The following ASAH2 variants were observed in gnomAD, a reference collection of about 807,000 sequenced individuals.
ASAH2 encodes the protein N-acylsphingosine amidohydrolase 2, also known as neutral ceramidase.
ASAH2 carries 58 observed loss-of-function variants against 82.9 expected under a neutral mutation model. That is an observed-to-expected ratio of 0.70 (90% CI 0.57 to 0.87). ASAH2 has a LOEUF of 0.87. Among genes scored for constraint, ASAH2 ranks in the 40% least tolerant of loss-of-function variants. The probability of loss-of-function intolerance (pLI) is 0.00; values close to 1 mark genes in which losing one functional copy is unlikely to be tolerated. For synonymous variants in ASAH2, 276 were observed against 289.7 expected (o/e 0.95, Z 0.48); for missense variants, 779 against 834.0 (o/e 0.93, Z 0.81).
Position 50,236,009 on chromosome 10 carries a change from A to G in ASAH2, c.566T>C (p.Ile189Thr), listed in dbSNP as rs1846150975. 1 of 1,613,134 alleles carries G rather than the reference A, an allele frequency of 6.2e-7. No individual in the cohort carries two copies. Among genetic ancestry groups the G allele is most frequent in the Non-Finnish European group, 8.5e-7 (1 of 1,179,354 alleles). The change falls in exon 5 of 21, where the codon ATC (isoleucine) becomes ACC (threonine). Residue 189 changes from isoleucine to threonine, a missense_variant. By Grantham distance (89) the Ile-to-Thr change is moderately conservative. Coordinates refer to ENST00000682911, the MANE Select transcript of ASAH2 (RefSeq NM_019893.4). ...TGAATGAGTGTGAGTGCCACTCAGG[A>G]TGACATTATCTCTTCTGTACAGGGA... Reference protein sequence around the residue: ...YGSLYRRDNVILSGTHTHSGP... With the variant: ...YGSLYRRDNVTLSGTHTHSGP...
At chr10:50,242,318 G>C (rs927915884) in intron 4 of ASAH2, among the ~76,000 whole-genome samples, 1 of 152,168 alleles carries the variant, frequency 6.6e-6, no homozygotes, top group Non-Finnish European at 1.5e-5. Context: ...ATGTTAAAGT[G>C]ATGCTTTTAG....
intron 7 of ASAH2, among the ~76,000 whole-genome samples, 171 bp downstream of exon 7, chr10:50,233,013 C>A (rs1282531937): frequency 6.6e-6 from 1 of 152,054 alleles, no homozygotes; most frequent in East Asian, 1.9e-4. Context: ...AGACTGAGAA[C>A]CCTGTACAAG....
Position 50,203,560 on chromosome 10 carries a change from T to C in ASAH2, c.1665+80A>G. Reference sequence around the variant, plus strand: ...ATTTCAAGAAATGTGGAACTCTAGATATAGGATCATAGGGATAGGATATAC... The same window carrying C: ...ATTTCAAGAAATGTGGAACTCTAGACATAGGATCATAGGGATAGGATATAC... On this transcript the variant is annotated intron_variant, in intron 15 of 20. Transcript: ENST00000682911. The C allele has an allele frequency of 6.9e-6, 4 of 582,812 alleles. No individual in the cohort carries two copies. The Admixed American group carries it at 8.1e-5, about 12-fold the overall frequency. 36.1% of individuals were successfully genotyped at this position (582,812 alleles called of 1,614,324 possible). A position where few individuals can be genotyped will look rare whatever the true frequency, so the allele number is the denominator to read the frequency against.
intron 4 of ASAH2, among the ~76,000 whole-genome samples, chr10:50,238,455 T>C (rs1353760918): frequency 2.0e-5 from 3 of 152,166 alleles, no homozygotes; most frequent in African/African-American, 7.2e-5. Context: ...ATAACAAGAC[T>C]AACATCCTTC....
chr10:50,229,497 T>C (rs1195340370), intron 7 of ASAH2, among the ~76,000 whole-genome samples: 2 of 152,158 alleles, frequency 1.3e-5, no homozygotes, highest in Non-Finnish European at 1.5e-5. Context: ...AACATAATTT[T>C]ATTTCATTCC....
chr10:50,226,644 G>A (rs1016751094), intron 7 of ASAH2, among the ~76,000 whole-genome samples: 36 of 152,006 alleles, frequency 2.4e-4, no homozygotes, highest in African/African-American at 7.5e-4. Flanking sequence ...TTGGAAGAAG[G>A]TGCATATAGG....
rs772181094 is a variant in ASAH2, at chr10:50,245,433, GA to G, written c.148del (p.Ser50GlnfsTer40). 1.2e-5 allele frequency: 20 copies of G among 1,610,560 alleles called. No homozygotes were observed. The highest frequency in any genetic ancestry group is 1.6e-5 in the Non-Finnish European group (19 of 1,178,968). ...NHKDLGGHFF[S>X]TTQSPPATQG... ...GGTGGCTGGAGGGCTTTGGGTGGTTGAAAAAAAATGGCCTCCTAAATCTAAA... is the reference window on the plus strand; with the variant it reads ...GGTGGCTGGAGGGCTTTGGGTGGTTGAAAAAAATGGCCTCCTAAATCTAAA... On this transcript the variant is annotated frameshift_variant, in exon 3 of 21. Coordinates refer to ENST00000682911, the MANE Select transcript of ASAH2 (RefSeq NM_019893.4). LOFTEE classifies it high-confidence loss of function.
rs1367155948 is a variant in ASAH2 at position 50,187,116 on chromosome 10, TCTCACACA to T, written c.*191_*198del. On this transcript the variant is annotated 3_prime_UTR_variant, in exon 21 of 21. Transcript: ENST00000682911. ...CTCTCTCTCTCTCTCTCTCTCTCTC[TCTCACACA>T]CACACACACACACACACACACACAC... The T allele has an allele frequency of 1.2e-3, 283 of 229,568 alleles. No individual in the cohort carries two copies. Among genetic ancestry groups the T allele is most frequent in the Middle Eastern group, 4.5e-3 (3 of 670 alleles). 14.2% of individuals were successfully genotyped at this position (229,568 alleles called of 1,614,324 possible).
At chr10:50,245,798 G>C (rs1235666371) in intron 2 of ASAH2, among the ~76,000 whole-genome samples, 1 of 151,998 alleles carries the variant, frequency 6.6e-6, no homozygotes, top group Non-Finnish European at 1.5e-5. Context: ...AATATCTGGG[G>C]ATTGGTTTCT....
At chr10:50,209,469 C>T (rs1845394971) in intron 12 of ASAH2, among the ~76,000 whole-genome samples, 1 of 152,154 alleles carries the variant, frequency 6.6e-6, no homozygotes, top group Admixed American at 6.5e-5. Context: ...CCTGCCTCAG[C>T]CTCCCGAGTA....
At chr10:50,192,587 A>G in intron 19 of ASAH2, 66 bp downstream of exon 19, 1 of 4,006 alleles carries the variant, frequency 2.5e-4, no homozygotes, top group Non-Finnish European at 5.8e-4. Flanking sequence ...CTCTAGAGGG[A>G]TATTTAAATG....
In ASAH2 at chr10:50,236,076, A is replaced by G; in HGVS notation, c.511-12T>C. The G allele has an allele frequency of 6.2e-7, 1 of 1,611,482 alleles. No homozygotes were observed. Among genetic ancestry groups the G allele is most frequent in the Non-Finnish European group, 8.5e-7 (1 of 1,177,774 alleles). ...AGTCTGTTCAGGACCTTCAAGAAAA[A>G]AAGTAATTGAACTAAGAAGAGGGAT... On this transcript the variant is annotated splice_polypyrimidine_tract_variant and intron_variant, in intron 4 of 20. Coordinates refer to ENST00000682911, the MANE Select transcript of ASAH2 (RefSeq NM_019893.4).
chr10:50,207,202 G>A (rs941136809), intron 12 of ASAH2, among the ~76,000 whole-genome samples: 1 of 151,806 alleles, frequency 6.6e-6, no homozygotes. Flanking sequence ...ATTTATAGTT[G>A]TAAATGCCCA....
At chr10:50,246,819 G>A (rs1328867969) in intron 2 of ASAH2, among the ~76,000 whole-genome samples, 2 of 152,222 alleles carry the variant, frequency 1.3e-5, no homozygotes, top group South Asian at 2.1e-4. Context: ...AGGCACCTTC[G>A]CTATTGCTTC....
chr10:50,229,184 C>T (rs1845967353), intron 7 of ASAH2, among the ~76,000 whole-genome samples: 1 of 152,102 alleles, frequency 6.6e-6, no homozygotes, highest in Admixed American at 6.6e-5. Flanking sequence ...TCTCAAGGTT[C>T]TGTTTATTTT....
At position 50,198,964 on chromosome 10, in the gene ASAH2, T is replaced by A. The variant is rs1845064734; in HGVS notation, c.1857+87A>T. ...CTCTTTCACTTCCCTCTGCATTTTC[T>A]TACCCAGACACAGACACATACAGAC... On this transcript the variant is annotated intron_variant, in intron 17 of 20. Coordinates refer to ENST00000682911, the MANE Select transcript of ASAH2 (RefSeq NM_019893.4). 5 of 1,456,274 alleles carry A rather than the reference T, an allele frequency of 3.4e-6. No homozygotes were observed. The African/African-American group carries it at 7.0e-5, about 21-fold the overall frequency. The allele number at this position is 1,456,274 out of a possible 1,614,324, so 90.2% of individuals were successfully genotyped here. A position where few individuals can be genotyped will look rare whatever the true frequency, so the allele number is the denominator to read the frequency against.
Position 50,236,215 on chromosome 10 carries a change from A to C in ASAH2, c.511-151T>G, listed in dbSNP as rs1042440706. ...GCTAATAAAGACATACCTAAGACTG[A>C]GTAATTTATAATGGAAAGAGGTTTA... On this transcript the variant is annotated intron_variant, in intron 4 of 20. Coordinates refer to ENST00000682911, the MANE Select transcript of ASAH2 (RefSeq NM_019893.4). The C allele has an allele frequency of 1.6e-5, 12 of 733,700 alleles. No homozygotes were observed. In the African/African-American group the frequency reaches 2.1e-4, roughly 13 times the overall value. The allele number at this position is 733,700 out of a possible 1,614,324, so 45.4% of individuals were successfully genotyped here.
Position 50,234,456 on chromosome 10 carries a change from A to G in ASAH2, c.784T>C (p.Tyr262His), listed in dbSNP as rs1334847155. The stretch of plus-strand genomic sequence containing the variant: ...CTCTCTGACTGCGGATTTTGAAGGT[A>G]AGAATACGGACTTCTGTTGATCTGC... ...GVQINRSPYSYLQNPQSERAR... is the reference protein window; with the variant it reads ...GVQINRSPYSHLQNPQSERAR... Residue 262 changes from tyrosine to histidine, a missense_variant, in exon 6 of 21, where the codon TAC (tyrosine) becomes CAC (histidine). Around this residue, in one of 3 missense-constraint regions of ASAH2, gnomAD observed 759 missense variants for 755.2 expected, o/e 1.00. Coordinates refer to ENST00000682911, the MANE Select transcript of ASAH2 (RefSeq NM_019893.4). The G allele has an allele frequency of 5.6e-6, 9 of 1,612,978 alleles. No homozygotes were observed. The highest frequency in any genetic ancestry group is 7.6e-6 in the Non-Finnish European group (9 of 1,179,300).
At chr10:50,229,165 A>G (rs1589347043) in intron 7 of ASAH2, among the ~76,000 whole-genome samples, 1 of 152,110 alleles carries the variant, frequency 6.6e-6, no homozygotes, top group Admixed American at 6.6e-5. Flanking sequence ...GTCTTATTGC[A>G]TCCGAGACTC....
Sources: allele counts gnomAD v4.1 joint callset (sites outside exome capture counted in the v4.1 genomes callset), GRCh38; gene constraint gnomAD v4.1.1; regional missense constraint gnomAD v4.1.1; transcripts MANE v1.5; gene names NCBI Gene and HGNC (gene_info 2026-07-23, HGNC 2026-07-21).